PVT1: variants seen among roughly 807,000 people sequenced by gnomAD.
The protein encoded by PVT1 is Pvt1 oncogene.
intron 3 of PVT1, among the ~76,000 whole-genome samples, chr8:127,958,961 G>A (rs1180085023): frequency 6.6e-6 from 1 of 151,988 alleles, no homozygotes; most frequent in Non-Finnish European, 1.5e-5. Context: ...CAGTTGTCAC[G>A]GTCACAGCAC....
chr8:128,069,443 C>T (rs749885994), intron 4 of PVT1, among the ~76,000 whole-genome samples: 6 of 152,190 alleles, frequency 3.9e-5, no homozygotes, highest in African/African-American at 7.2e-5. Context: ...GGCATGGGCA[C>T]AGCGCACACT....
intron 2 of PVT1, among the ~76,000 whole-genome samples, chr8:127,837,109 C>G (rs989157520): frequency 2.0e-5 from 3 of 152,186 alleles, no homozygotes; most frequent in Non-Finnish European, 4.4e-5. Context: ...GAATCTTGTT[C>G]ATGACTGACA....
At chr8:127,804,912 G>C (rs1399728565) in intron 2 of PVT1, among the ~76,000 whole-genome samples, 18 of 146,090 alleles carry the variant, frequency 1.2e-4, no homozygotes, top group Admixed American at 1.1e-3. Flanking sequence ...AATATTATAT[G>C]CACTTTGTCC....
intron 2 of PVT1, among the ~76,000 whole-genome samples, chr8:127,819,752 A>T (rs1326925174): frequency 6.6e-6 from 1 of 152,154 alleles, no homozygotes; most frequent in African/African-American, 2.4e-5. Context: ...GTACATATTA[A>T]ATAGGTAGGA....
intron 3 of PVT1, among the ~76,000 whole-genome samples, chr8:127,927,974 C>T (rs1816151970): frequency 6.6e-6 from 1 of 152,228 alleles, no homozygotes; most frequent in Non-Finnish European, 1.5e-5. Context: ...GGGCTGTCGT[C>T]CCCTCTGGCT....
intron 2 of PVT1, among the ~76,000 whole-genome samples, chr8:127,809,120 G>T (rs1236588993): frequency 1.3e-5 from 2 of 151,516 alleles, no homozygotes; most frequent in African/African-American, 4.9e-5. Flanking sequence ...GAGTTAGCTA[G>T]CTAGAGACCT....
intron 3 of PVT1, among the ~76,000 whole-genome samples, chr8:127,982,588 T>C (rs145394256): frequency 5.3e-5 from 8 of 152,034 alleles, no homozygotes; most frequent in East Asian, 1.9e-4. Context: ...GGAGGGAGGA[T>C]GGCTTGAGCT....
intron 2 of PVT1, among the ~76,000 whole-genome samples, chr8:127,845,396 A>G (rs1815020428): frequency 6.6e-6 from 1 of 152,160 alleles, no homozygotes; most frequent in South Asian, 2.1e-4. Flanking sequence ...GTCATGCCCA[A>G]GATACAGGAA....
chr8:127,995,693 A>G (rs1807605710), intron 4 of PVT1, among the ~76,000 whole-genome samples: 1 of 152,244 alleles, frequency 6.6e-6, no homozygotes, highest in Admixed American at 6.5e-5. Flanking sequence ...TTAATCTACC[A>G]GTAATCATGG....
At chr8:127,955,846 A>G (rs1373496214) in intron 3 of PVT1, among the ~76,000 whole-genome samples, 1 of 152,130 alleles carries the variant, frequency 6.6e-6, no homozygotes, top group Non-Finnish European at 1.5e-5. Context: ...CGGCCTCCCA[A>G]AGTGCTGGGT....
rs1813818646 is a variant in PVT1 at position 128,060,602 on chromosome 8, C to T, written n.913-9558C>T. Among the ~76,000 whole-genome samples the T allele has an allele frequency of 3.3e-5, 5 of 152,306 alleles. No homozygotes were observed. In the South Asian group the frequency reaches 1.0e-3, roughly 32 times the overall value. On this transcript the variant is annotated intron_variant and non_coding_transcript_variant, in intron 4 of 10. Transcript: ENST00000651587. ...AACCTTCTCATGGGAGGGAAGGAGA[C>T]CTTCTTTCCTGAACACCAATTATGC...
At chr8:128,047,807 C>G (rs1229217884) in intron 4 of PVT1, among the ~76,000 whole-genome samples, 2 of 152,092 alleles carry the variant, frequency 1.3e-5, no homozygotes, top group African/African-American at 4.8e-5. Context: ...TGTTAATTAA[C>G]TCAACTTAGC....
intron 4 of PVT1, among the ~76,000 whole-genome samples, chr8:128,016,074 T>C (rs1319796757): frequency 6.6e-6 from 1 of 152,148 alleles, no homozygotes; most frequent in Admixed American, 6.5e-5. Context: ...TCTCAGGAGT[T>C]GGAGATCAGC....
intron 2 of PVT1, among the ~76,000 whole-genome samples, chr8:127,880,223 A>G (rs1815449657): frequency 2.0e-5 from 3 of 152,212 alleles, no homozygotes; most frequent in Admixed American, 1.3e-4. Context: ...GGCTTCTAGC[A>G]CTGTGCTAGG....
At chr8:128,015,091 A>ATTTATTTT (rs369418776) in intron 4 of PVT1, among the ~76,000 whole-genome samples, 4 of 139,124 alleles carry the variant, frequency 2.9e-5, no homozygotes, top group African/African-American at 1.1e-4. Context: ...TTATTTATTT[A>ATTTATTTT]TTATTTATTT....
At chr8:127,913,936 A>C (rs1157771404) in intron 3 of PVT1, among the ~76,000 whole-genome samples, 2 of 152,080 alleles carry the variant, frequency 1.3e-5, no homozygotes, top group Non-Finnish European at 2.9e-5. Flanking sequence ...CCAGGCCCAC[A>C]TGCAGAATCC....
At chr8:127,949,452 C>T (rs945515391) in intron 3 of PVT1, among the ~76,000 whole-genome samples, 4 of 141,010 alleles carry the variant, frequency 2.8e-5, no homozygotes, top group Admixed American at 2.8e-4. Flanking sequence ...TCTCTCCTCT[C>T]TCCCCTACCT....
At chr8:127,839,670 A>G (rs1398192120) in intron 2 of PVT1, among the ~76,000 whole-genome samples, 1 of 152,186 alleles carries the variant, frequency 6.6e-6, no homozygotes, top group Non-Finnish European at 1.5e-5. Flanking sequence ...CGAAACACCC[A>G]GATGGGTCAT....
At chr8:128,017,315 G>A (rs1817385259) in intron 4 of PVT1, among the ~76,000 whole-genome samples, 1 of 152,220 alleles carries the variant, frequency 6.6e-6, no homozygotes, top group South Asian at 2.1e-4. Flanking sequence ...GGAGAATGGA[G>A]CAGAAATGAC....
Sources: allele counts gnomAD v4.1 joint callset (sites outside exome capture counted in the v4.1 genomes callset), GRCh38; gene constraint gnomAD v4.1.1; transcripts MANE v1.5; gene names NCBI Gene and HGNC (gene_info 2026-07-23, HGNC 2026-07-21).